Variants in GALK2 observed in about 807,000 individuals in gnomAD.
The protein encoded by GALK2 is N-acetylgalactosamine kinase.
Under a neutral mutation model 52.4 loss-of-function variants are expected in GALK2, and 36 were observed. The observed-to-expected ratio is 0.69, with a 90% CI of 0.53 to 0.91. The LOEUF is 0.91. Among genes scored for constraint, GALK2 ranks in the 40% least tolerant of loss-of-function variants. GALK2 has a pLI of 0.00. For synonymous variants in GALK2, 176 were observed against 199.1 expected, an observed-to-expected ratio of 0.88 and a Z score of 0.98; for missense variants, 579 against 559.1, an observed-to-expected ratio of 1.04 and a Z score of -0.36.
chr15:49,193,895 T>G lies in GALK2; in HGVS notation c.54-7267T>G, dbSNP rs574214335. On this transcript the variant is annotated intron_variant, in intron 1 of 9. Coordinates refer to ENST00000560031, the MANE Select transcript of GALK2 (RefSeq NM_002044.4). ...GGCACGTGCCAACACGCCCGGCTAA[T>G]TTTTTGTATTTTTAGTAGAGACGGG... 1.7e-3 allele frequency: 266 copies of G among 152,088 alleles called. 1 individual carries two copies. The highest frequency in any genetic ancestry group is 6.2e-3 in the African/African-American group (259 of 41,502). 9.4% of individuals were successfully genotyped at this position (152,088 alleles called of 1,614,324 possible).
chr15:49,156,775 C>A, intron 1 of GALK2: 2 of 575,334 alleles, frequency 3.5e-6, no homozygotes, highest in South Asian at 1.6e-5. Context: ...ATGTGAATTC[C>A]CTTCTTAAAT....
At chr15:49,318,953 TC>T (rs1567057991) in intron 8 of GALK2, 1 of 448,266 alleles carries the variant, frequency 2.2e-6, no homozygotes, top group East Asian at 7.0e-5. Flanking sequence ...TTTCTTTCTT[TC>T]TTTTTTTTTT....
At chr15:49,278,035 G>C (rs571592511) in intron 5 of GALK2, among the ~76,000 whole-genome samples, 3 of 151,956 alleles carry the variant, frequency 2.0e-5, no homozygotes, top group African/African-American at 7.2e-5. Flanking sequence ...GGCCGAGGCG[G>C]GCAGATCACG....
chr15:49,214,297 A>G (rs1002586235), intron 2 of GALK2, among the ~76,000 whole-genome samples: 1 of 151,638 alleles, frequency 6.6e-6, no homozygotes, highest in African/African-American at 2.4e-5. Flanking sequence ...AAACCCCCCA[A>G]AACTTTACCT....
chr15:49,354,612 G>C (rs533110176), intron 3 of GALK2, among the ~76,000 whole-genome samples: 2 of 152,184 alleles, frequency 1.3e-5, no homozygotes, highest in African/African-American at 4.8e-5. Flanking sequence ...ACGGAGTCTC[G>C]CTGATTGCTA....
At chr15:49,219,212 A>G (rs188156973) in intron 3 of GALK2, among the ~76,000 whole-genome samples, 15 of 152,278 alleles carry the variant, frequency 9.9e-5, no homozygotes, top group Non-Finnish European at 1.9e-4. Flanking sequence ...GTGTCCTGGG[A>G]GGAACCTGGT....
intron 3 of GALK2, 111 bp downstream of exon 3, chr15:49,217,424 T>C: frequency 9.2e-7 from 1 of 1,081,414 alleles, no homozygotes; most frequent in East Asian, 2.4e-5. Flanking sequence ...ATTGATATTT[T>C]GTGTCTGACA....
At position 49,206,149 on chromosome 15, in the gene GALK2, T is replaced by C. The variant is rs143987333; in HGVS notation, c.142+4899T>C. On this transcript the variant is annotated intron_variant, in intron 2 of 9. Transcript: ENST00000560031. ...GGTTGACTATGGCCTAATGGTATAGTTTGAAATCAGGTAGTGTGGTGCCTC... is the reference window on the plus strand; with the variant it reads ...GGTTGACTATGGCCTAATGGTATAGCTTGAAATCAGGTAGTGTGGTGCCTC... 1.5e-4 allele frequency among the ~76,000 whole-genome samples: 23 copies of C among 152,256 alleles called. 1 individual carries two copies. The East Asian group carries it at 4.0e-3, about 27-fold the overall frequency.
chr15:49,230,952 G>A (rs967364800), intron 3 of GALK2, among the ~76,000 whole-genome samples: 1 of 152,146 alleles, frequency 6.6e-6, no homozygotes, highest in Non-Finnish European at 1.5e-5. Flanking sequence ...AGAGAGGTGA[G>A]ATAGGGATGT....
intron 1 of GALK2, among the ~76,000 whole-genome samples, chr15:49,174,602 C>T (rs1277616142): frequency 6.6e-6 from 1 of 152,110 alleles, no homozygotes; most frequent in Admixed American, 6.5e-5. Flanking sequence ...CCTTGGTCTC[C>T]CAAAGTGCTG....
At chr15:49,337,199 A>G (rs971177101) in intron 3 of GALK2, among the ~76,000 whole-genome samples, 1 of 152,134 alleles carries the variant, frequency 6.6e-6, no homozygotes, top group Non-Finnish European at 1.5e-5. Flanking sequence ...TTTTCTTTTG[A>G]GTATATACCC....
intron 1 of GALK2, among the ~76,000 whole-genome samples, chr15:49,176,604 C>A (rs1224014158): frequency 1.3e-5 from 2 of 152,058 alleles, no homozygotes; most frequent in African/African-American, 4.8e-5. Flanking sequence ...ATAGAATTTT[C>A]TTCTTTTTAT....
At chr15:49,235,555 A>G (rs1161232513) in intron 3 of GALK2, 3 of 522,610 alleles carry the variant, frequency 5.7e-6, no homozygotes, top group Admixed American at 2.3e-5. Context: ...CACCAGTTTA[A>G]CAAGGACCAA....
chr15:49,361,589 A>G (rs1230643600), intron 3 of GALK2, among the ~76,000 whole-genome samples: 1 of 152,144 alleles, frequency 6.6e-6, no homozygotes, highest in African/African-American at 2.4e-5. Flanking sequence ...GTTAGTTTTT[A>G]TGGCTGCACA....
chr15:49,299,158 T>G (rs1281205652), intron 8 of GALK2, among the ~76,000 whole-genome samples: 4 of 152,162 alleles, frequency 2.6e-5, no homozygotes, highest in African/African-American at 9.7e-5. Flanking sequence ...TCTTTTAGGT[T>G]TTCTAGTTTG....
At chr15:49,256,443 T>A (rs1322201653) in intron 5 of GALK2, among the ~76,000 whole-genome samples, 1 of 152,214 alleles carries the variant, frequency 6.6e-6, no homozygotes, top group Non-Finnish European at 1.5e-5. Context: ...ATGGGTGGTG[T>A]TGATGGAACC....
intron 1 of GALK2, among the ~76,000 whole-genome samples, chr15:49,176,944 A>G (rs371793223): frequency 6.6e-6 from 1 of 152,040 alleles, no homozygotes; most frequent in African/African-American, 2.4e-5. Flanking sequence ...TTGTTGTAAC[A>G]CTTTTTGGGC....
At chr15:49,194,999 T>C in intron 1 of GALK2, 3 of 392,570 alleles carry the variant, frequency 7.6e-6, no homozygotes, top group Admixed American at 3.2e-5. Context: ...AAATTAACTT[T>C]GGGAGAACTA....
At chr15:49,281,949 T>C in intron 5 of GALK2, 38 bp from the exon 6 acceptor site, 1 of 1,437,572 alleles carries the variant, frequency 7.0e-7, no homozygotes, top group Non-Finnish European at 9.8e-7. Context: ...AAATGGGTTA[T>C]GACTACTCAC....
Sources: gnomAD v4.1 joint callset for allele counts (sites outside exome capture counted in the v4.1 genomes callset) on GRCh38, gnomAD v4.1.1 for gene constraint, MANE v1.5 for transcripts, NCBI Gene and HGNC (gene_info 2026-07-23, HGNC 2026-07-21) for gene names.